Variants in AFG2A observed in about 807,000 individuals in gnomAD.
AFG2A encodes ATPase family gene 2 protein homolog A.
At chr4:123,243,059 A>G in the AFG2A span, among the ~76,000 whole-genome samples, 95,459 of 152,012 alleles carry the variant, frequency 0.63, 30,830 homozygotes, top group Admixed American at 0.69. Flanking sequence ...ACCATCTCAC[A>G]CCAGTTAGAA....
chr4:123,237,726 G>A, the AFG2A span, among the ~76,000 whole-genome samples: 1 of 146,220 alleles, frequency 6.8e-6, no homozygotes. Flanking sequence ...GGCCAAATAG[G>A]AACAGCTCTG....
chr4:122,983,711 T>C, the AFG2A span, among the ~76,000 whole-genome samples: 2 of 152,198 alleles, frequency 1.3e-5, no homozygotes, highest in Non-Finnish European at 2.9e-5. Flanking sequence ...TAGACTTGTT[T>C]TGTGGTCTAA....
the AFG2A span, among the ~76,000 whole-genome samples, chr4:123,117,166 T>C: frequency 2.6e-5 from 4 of 152,146 alleles, no homozygotes; most frequent in South Asian, 2.1e-4. Flanking sequence ...TAAACTGTTA[T>C]CAGATGTTAA....
the AFG2A span, among the ~76,000 whole-genome samples, chr4:123,036,816 C>T: frequency 6.6e-6 from 1 of 152,050 alleles, no homozygotes; most frequent in Admixed American, 6.6e-5. Flanking sequence ...CTGCCAGCCC[C>T]TCTTGCATTT....
the AFG2A span, among the ~76,000 whole-genome samples, chr4:123,032,487 G>A: frequency 6.6e-6 from 1 of 152,106 alleles, no homozygotes; most frequent in Non-Finnish European, 1.5e-5. Context: ...CTGCCTCCCG[G>A]GTTCAAGCAA....
chr4:123,004,178 T>A, the AFG2A span, among the ~76,000 whole-genome samples: 5 of 152,180 alleles, frequency 3.3e-5, no homozygotes, highest in Non-Finnish European at 7.4e-5. Context: ...AGTGTTCAGG[T>A]GGGAGTGGCC....
At chr4:122,966,783 G>A in the AFG2A span, among the ~76,000 whole-genome samples, 1 of 152,118 alleles carries the variant, frequency 6.6e-6, no homozygotes, top group African/African-American at 2.4e-5. Flanking sequence ...ATAACTACGC[G>A]TTATGATGTA....
the AFG2A span, chr4:122,934,162 C>A: frequency 6.2e-7 from 1 of 1,614,108 alleles, no homozygotes; most frequent in Non-Finnish European, 8.5e-7. Flanking sequence ...GTACAAGCTG[C>A]AAGTATTGCG....
the AFG2A span, among the ~76,000 whole-genome samples, chr4:123,172,016 T>C: frequency 6.6e-6 from 1 of 152,216 alleles, no homozygotes; most frequent in African/African-American, 2.4e-5. Flanking sequence ...TTATATACCA[T>C]GTGTGAACTT....
At chr4:123,313,224 T>G in the AFG2A span, among the ~76,000 whole-genome samples, 2 of 151,598 alleles carry the variant, frequency 1.3e-5, no homozygotes, top group Non-Finnish European at 2.9e-5. Flanking sequence ...TTCCGCCCCC[T>G]CCCCAGATTC....
chr4:123,253,178 G>A, the AFG2A span, among the ~76,000 whole-genome samples: 1 of 151,454 alleles, frequency 6.6e-6, no homozygotes, highest in Non-Finnish European at 1.5e-5. Flanking sequence ...CATCTTTACT[G>A]AAAATACAAA....
chr4:122,973,139 T>C, the AFG2A span, among the ~76,000 whole-genome samples: 2 of 152,156 alleles, frequency 1.3e-5, no homozygotes, highest in African/African-American at 4.8e-5. Flanking sequence ...ATTGACCCTT[T>C]TATTACCCCG....
At chr4:122,998,459 CA>C in the AFG2A span, among the ~76,000 whole-genome samples, 1 of 151,580 alleles carries the variant, frequency 6.6e-6, no homozygotes, top group South Asian at 2.1e-4. Flanking sequence ...TATCCCTCCC[CA>C]CTCCCCCCAC....
the AFG2A span, among the ~76,000 whole-genome samples, chr4:123,262,053 G>A: frequency 0.022 from 3,309 of 152,234 alleles, 64 homozygotes; most frequent in Non-Finnish European, 0.035. Flanking sequence ...TGGGATTACA[G>A]GCCTGAGCCA....
At chr4:122,932,557 A>G in the AFG2A span, among the ~76,000 whole-genome samples, 1 of 152,094 alleles carries the variant, frequency 6.6e-6, no homozygotes, top group Non-Finnish European at 1.5e-5. Flanking sequence ...ACAGAACTAG[A>G]CAGCTGTTTG....
At chr4:123,242,092 G>A in the AFG2A span, among the ~76,000 whole-genome samples, 1 of 152,116 alleles carries the variant, frequency 6.6e-6, no homozygotes. Context: ...ACCTCTTCAA[G>A]GAGAACTACA....
the AFG2A span, among the ~76,000 whole-genome samples, chr4:123,074,093 G>GTCTTTTTTTTTT: frequency 2.5e-5 from 1 of 39,534 alleles, no homozygotes; most frequent in African/African-American, 5.7e-5. Context: ...TTCTCAGATA[G>GTCTTTTTTTTTT]TATTTTTTTT....
At chr4:123,050,125 C>A in the AFG2A span, among the ~76,000 whole-genome samples, 1 of 151,790 alleles carries the variant, frequency 6.6e-6, no homozygotes, top group African/African-American at 2.4e-5. Context: ...GTTCTTGTTA[C>A]TGATTTCTAG....
chr4:123,085,767 C>G, the AFG2A span, among the ~76,000 whole-genome samples: 3 of 150,310 alleles, frequency 2.0e-5, no homozygotes, highest in Non-Finnish European at 4.5e-5. Flanking sequence ...CGCCTTTGTT[C>G]TTCATTCCCA....
Sources: gnomAD v4.1 joint callset for allele counts (sites outside exome capture counted in the v4.1 genomes callset) on GRCh38, gnomAD v4.1.1 for gene constraint, MANE v1.5 for transcripts, NCBI Gene and HGNC (gene_info 2026-07-23, HGNC 2026-07-21) for gene names.